The following KISS1R variants were observed in gnomAD, a reference collection of about 807,000 sequenced individuals.
KISS1R encodes kiSS-1 receptor.
Under a neutral mutation model 22.0 loss-of-function variants are expected in KISS1R, and 19 were observed. That is an observed-to-expected ratio of 0.86 (90% CI 0.60 to 1.26). The LOEUF (loss-of-function observed/expected upper bound fraction) is 1.26, where lower values mean the gene tolerates loss of function less well. KISS1R is among the 50% of genes most tolerant of loss of function. The pLI is 0.00. For missense variants in KISS1R, 653 were observed against 581.9 expected (o/e 1.12, Z -1.26); for synonymous variants, 302 against 283.9 (o/e 1.06, Z -0.64).
At position 917,476 on chromosome 19, in the gene KISS1R, G is replaced by T; in HGVS notation, c.-27G>T. ...GTGCCAGGGCGCAATCCTGGAGGGCGGCCGGGAGGAGGAGGTGCGCGCGGC... is the reference window on the plus strand; with the variant it reads ...GTGCCAGGGCGCAATCCTGGAGGGCTGCCGGGAGGAGGAGGTGCGCGCGGC... On this transcript the variant is annotated 5_prime_UTR_variant, in exon 1 of 5. Transcript: ENST00000234371. The T allele has an allele frequency of 7.0e-7, 1 of 1,436,624 alleles. No individual in the cohort carries two copies. The highest frequency in any genetic ancestry group is 2.7e-5 in the Admixed American group (1 of 37,276). The allele number at this position is 1,436,624 out of a possible 1,614,324, so 89.0% of individuals were successfully genotyped here.
At position 917,685 on chromosome 19, in the gene KISS1R, G is replaced by A. The variant is rs764952004; in HGVS notation, c.183G>A (p.Ser61=). 3 of 1,596,554 alleles carry A rather than the reference G, an allele frequency of 1.9e-6. No individual in the cohort carries two copies. Among genetic ancestry groups the A allele is most frequent in the Non-Finnish European group, 2.6e-6 (3 of 1,173,002 alleles). The change falls in exon 1 of 5, where the codon TCG becomes TCA. Residue 61 remains serine, a synonymous_variant. Transcript: ENST00000234371. Reference sequence around the variant, plus strand: ...TGCTGCTGGGCCTGGTGGGGAACTCGCTGGTCATCTACGTCATCTGCCGCC... The same window carrying A: ...TGCTGCTGGGCCTGGTGGGGAACTCACTGGTCATCTACGTCATCTGCCGCC... ...ALMLLGLVGN[S]LVIYVICRHK... is the part of the protein sequence containing the mutation.
Position 917,740 on chromosome 19 carries a change from T to C in KISS1R, c.238T>C (p.Tyr80His), listed in dbSNP as rs1047587176. Reference protein sequence around the residue: ...HKPMRTVTNFYIANLAATDVT... With the variant: ...HKPMRTVTNFHIANLAATDVT... Reference sequence around the variant, plus strand: ...GCCGATGCGGACCGTGACCAACTTCTACATCGGTGAGTGCGGGCGCTGCGC... The same window carrying C: ...GCCGATGCGGACCGTGACCAACTTCCACATCGGTGAGTGCGGGCGCTGCGC... The change falls in exon 1 of 5, where the codon TAC (tyrosine) becomes CAC (histidine). Residue 80 changes from tyrosine (Y) to histidine (H), a missense_variant. Transcript: ENST00000234371. 10 of 1,604,188 alleles carry C rather than the reference T, an allele frequency of 6.2e-6. No homozygotes were observed. The highest frequency in any genetic ancestry group is 1.3e-5 in the African/African-American group (1 of 74,422).
rs1046021515 is a variant in KISS1R, at chr19:920,440, C to G, written c.889C>G (p.Arg297Gly). The G allele has an allele frequency of 6.2e-7, 1 of 1,610,180 alleles. No individual in the cohort carries two copies. Among genetic ancestry groups the G allele is most frequent in the Non-Finnish European group, 8.5e-7 (1 of 1,179,076 alleles). The change falls in exon 5 of 5, where the codon CGC becomes GGC. Residue 297 changes from arginine to glycine, a missense_variant. Transcript: ENST00000234371. ...GGGCCCCGCGGGCTCCTGGCACCCA[C>G]GCAGCTACGCCGCCTACGCGCTTAA... ...ALGPAGSWHP[R>G]SYAAYALKTW...
rs950542158 is a variant in KISS1R, at chr19:918,485, C to A, written c.245-59C>A. 8 of 1,529,846 alleles carry A rather than the reference C, an allele frequency of 5.2e-6. No homozygotes were observed. The African/African-American group carries it at 1.1e-4, about 21-fold the overall frequency. 94.8% of individuals were successfully genotyped at this position (1,529,846 alleles called of 1,614,324 possible). Reference sequence around the variant, plus strand: ...GGGCCAGGGGTCAGGGCCAGGAGCGCTGGGCGGTTCCCGCGGCCAGTGGCG... The same window carrying A: ...GGGCCAGGGGTCAGGGCCAGGAGCGATGGGCGGTTCCCGCGGCCAGTGGCG... On this transcript the variant is annotated intron_variant, in intron 1 of 4. Transcript: ENST00000234371.
At position 919,590 on chromosome 19, in the gene KISS1R, G is replaced by T. The variant is rs1200941842; in HGVS notation, c.470G>T (p.Arg157Leu). The T allele has an allele frequency of 1.9e-6, 3 of 1,554,346 alleles. No homozygotes were observed. Among genetic ancestry groups the T allele is most frequent in the Non-Finnish European group, 2.6e-6 (3 of 1,153,030 alleles). ...CGCGCCCTGCACCGCCGCACGCCCC[G>T]CCTGGCGCTGGCTGTCAGCCTCAGC... Reference protein sequence around the residue: ...PLRALHRRTPRLALAVSLSIW... With the variant: ...PLRALHRRTPLLALAVSLSIW... Residue 157 changes from arginine (R) to leucine (L), a missense_variant, in exon 3 of 5, where the codon CGC becomes CTC. Arg to Leu is a moderately radical substitution (Grantham distance 102). Coordinates refer to ENST00000234371, the MANE Select transcript of KISS1R (RefSeq NM_032551.5).
At chr19:917,869 T>TC (rs1056083756) in intron 1 of KISS1R, 123 bp downstream of exon 1, 30 of 1,198,672 alleles carry the variant, frequency 2.5e-5, no homozygotes, top group Non-Finnish European at 3.0e-5. Flanking sequence ...CCTGCAGGGG[T>TC]CCCCCCCAAC....
In KISS1R at chr19:917,420, CG is replaced by C; in HGVS notation, c.-80del. On this transcript the variant is annotated 5_prime_UTR_variant, in exon 1 of 5. Coordinates refer to ENST00000234371, the MANE Select transcript of KISS1R (RefSeq NM_032551.5). ...TCCTGAGTTCCACAGGCGCAGCCCC[CG>C]GGCGGTCGGGCGGAGGGGTCCCCGG... 3 of 1,357,518 alleles carry C rather than the reference CG, an allele frequency of 2.2e-6. No homozygotes were observed. The highest frequency in any genetic ancestry group is 2.8e-6 in the Non-Finnish European group (3 of 1,057,676). 84.1% of individuals were successfully genotyped at this position (1,357,518 alleles called of 1,614,324 possible). A position where few individuals can be genotyped will look rare whatever the true frequency, so the allele number is the denominator to read the frequency against.
Position 917,570 on chromosome 19 carries a change from C to A in KISS1R, c.68C>A (p.Pro23Gln), listed in dbSNP as rs1160308248. The A allele has an allele frequency of 5.2e-6, 8 of 1,531,730 alleles. No individual in the cohort carries two copies. In the South Asian group the frequency reaches 9.6e-5, roughly 18 times the overall value. The allele number at this position is 1,531,730 out of a possible 1,614,324, so 94.9% of individuals were successfully genotyped here. ...GCACCGGCCAACGCCTCCGGCTGCC[C>A]GGGCTGTGGCGCCAACGCCTCGGAC... is the stretch of plus-strand genomic sequence containing the variant. Reference protein sequence around the residue: ...WGAPANASGCPGCGANASDGP... With the variant: ...WGAPANASGCQGCGANASDGP... Residue 23 changes from proline (P) to glutamine (Q), a missense_variant, in exon 1 of 5, where the codon CCG (proline) becomes CAG (glutamine). Coordinates refer to ENST00000234371, the MANE Select transcript of KISS1R (RefSeq NM_032551.5).
Position 917,714 on chromosome 19 carries a change from AG to A in KISS1R, c.213del (p.Lys71AsnfsTer6). On this transcript the variant is annotated frameshift_variant, in exon 1 of 5. Coordinates refer to ENST00000234371, the MANE Select transcript of KISS1R (RefSeq NM_032551.5). LOFTEE classifies it high-confidence loss of function. The part of the protein sequence containing the change: ...SLVIYVICRH[K>X]PMRTVTNFYI... ...GTCATCTACGTCATCTGCCGCCACA[AG>A]CCGATGCGGACCGTGACCAACTTCT... 1.2e-6 allele frequency: 2 copies of A among 1,606,506 alleles called. No individual in the cohort carries two copies. The highest frequency in any genetic ancestry group is 1.7e-6 in the Non-Finnish European group (2 of 1,177,084).
intron 1 of KISS1R, 92 bp from the exon 2 acceptor site, chr19:918,452 C>A: frequency 1.4e-6 from 2 of 1,450,200 alleles, no homozygotes; most frequent in South Asian, 1.3e-5. Flanking sequence ...TCACTCGGAC[C>A]AAGGTGGGGG....
rs1350971764 is a variant in KISS1R at position 917,613 on chromosome 19, G to A, written c.111G>A (p.Pro37=). 3.2e-6 allele frequency: 5 copies of A among 1,569,276 alleles called. No individual in the cohort carries two copies. The South Asian group carries it at 3.5e-5, about 11-fold the overall frequency. Residue 37 remains proline (P), a synonymous_variant, in exon 1 of 5, where the codon CCG becomes CCA. Coordinates refer to ENST00000234371, the MANE Select transcript of KISS1R (RefSeq NM_032551.5). ...CCTCGGACGGCCCAGTCCCTTCGCC[G>A]CGGGCCGTGGACGCCTGGCTCGTGC... The part of the protein sequence containing the change: ...ANASDGPVPS[P]RAVDAWLVPL...
rs544709680 is a variant in KISS1R at position 920,962 on chromosome 19, C to G, written c.*214C>G. 62 of 439,798 alleles carry G rather than the reference C, an allele frequency of 1.4e-4. No homozygotes were observed. The highest frequency in any genetic ancestry group is 2.3e-4 in the Non-Finnish European group (62 of 273,298). 27.2% of individuals were successfully genotyped at this position (439,798 alleles called of 1,614,324 possible). On this transcript the variant is annotated 3_prime_UTR_variant, in exon 5 of 5. Transcript: ENST00000234371. ...TCCTGAAATTAAACATGTGTCAACA[C>G]AGGACTTTCTGGATCATTCCAGAAA...
At chr19:918,696 G>C in intron 2 of KISS1R, 28 bp downstream of exon 2, 1 of 1,545,954 alleles carries the variant, frequency 6.5e-7, no homozygotes, top group South Asian at 1.2e-5. Context: ...AGGGGAGAGG[G>C]CGCACTTGGG....
intron 4 of KISS1R, 41 bp downstream of exon 4, chr19:920,147 G>A: frequency 2.7e-6 from 4 of 1,472,636 alleles, no homozygotes; most frequent in East Asian, 5.2e-5. Flanking sequence ...CTGGGCGGGC[G>A]GGGAGGCACC....
rs536442234 is a variant in KISS1R at position 917,628 on chromosome 19, C to A, written c.126C>A (p.Ala42=). 3.2e-5 allele frequency: 51 copies of A among 1,581,228 alleles called. No homozygotes were observed. The African/African-American group carries it at 5.9e-4, about 18-fold the overall frequency. ...GPVPSPRAVD[A]WLVPLFFAAL... ...TCCCTTCGCCGCGGGCCGTGGACGC[C>A]TGGCTCGTGCCGCTCTTCTTCGCGG... is the stretch of plus-strand genomic sequence containing the variant. The change falls in exon 1 of 5, where the codon GCC becomes GCA. Residue 42 remains alanine (A), a synonymous_variant. Coordinates refer to ENST00000234371, the MANE Select transcript of KISS1R (RefSeq NM_032551.5).
At chr19:918,980 G>A (rs377706926) in intron 2 of KISS1R, among the ~76,000 whole-genome samples, 5 of 149,556 alleles carry the variant, frequency 3.3e-5, no homozygotes, top group East Asian at 4.0e-4. Flanking sequence ...GATGAGCTCC[G>A]GAGCGGGGGG....
intron 1 of KISS1R, 23 bp downstream of exon 1, chr19:917,769 A>ACCTGCTGCCGTC (rs1430648567): frequency 6.3e-7 from 1 of 1,587,146 alleles, no homozygotes; most frequent in Non-Finnish European, 8.6e-7. Context: ...GCTGCGCCGC[A>ACCTGCTGCCGTC]CCTGCTGCCG....
chr19:917,459 G>T lies in KISS1R; in HGVS notation c.-44G>T. ...GAGGGGTCCCCGGGGCGGTGCCAGG[G>T]CGCAATCCTGGAGGGCGGCCGGGAG... On this transcript the variant is annotated 5_prime_UTR_variant, in exon 1 of 5. Transcript: ENST00000234371. 7.1e-7 allele frequency: 1 copy of T among 1,408,684 alleles called. No individual in the cohort carries two copies. The highest frequency in any genetic ancestry group is 1.5e-5 in the South Asian group (1 of 65,116). 87.3% of individuals were successfully genotyped at this position (1,408,684 alleles called of 1,614,324 possible).
Position 920,349 on chromosome 19 carries a change from G to A in KISS1R, c.798G>A (p.Ala266=), listed in dbSNP as rs527755930. The change falls in exon 5 of 5, where the codon GCG becomes GCA. Residue 266 remains alanine (A), a synonymous_variant. Coordinates refer to ENST00000234371, the MANE Select transcript of KISS1R (RefSeq NM_032551.5). ...AVRAKVSRLV[A]AVVLLFAACW... Reference sequence around the variant, plus strand: ...GGGCCAAGGTCTCGCGGCTGGTGGCGGCCGTGGTCCTGCTCTTCGCCGCCT... The same window carrying A: ...GGGCCAAGGTCTCGCGGCTGGTGGCAGCCGTGGTCCTGCTCTTCGCCGCCT... 16 of 1,562,488 alleles carry A rather than the reference G, an allele frequency of 1.0e-5. No homozygotes were observed. The highest frequency in any genetic ancestry group is 2.0e-4 in the Middle Eastern group (1 of 5,032).
Sources: allele counts gnomAD v4.1 joint callset (sites outside exome capture counted in the v4.1 genomes callset), GRCh38; gene constraint gnomAD v4.1.1; transcripts MANE v1.5; gene names NCBI Gene and HGNC (gene_info 2026-07-23, HGNC 2026-07-21).